MRAP2: variants seen among roughly 807,000 people sequenced by gnomAD.
MRAP2 encodes melanocortin-2 receptor accessory protein 2.
Under a neutral mutation model 17.4 loss-of-function variants are expected in MRAP2, and 20 were observed. The observed-to-expected ratio is 1.15, with a 90% CI of 0.81 to 1.67. The LOEUF (loss-of-function observed/expected upper bound fraction) is 1.67, where lower values mean the gene tolerates loss of function less well. Among genes scored for constraint, MRAP2 ranks in the 40% most tolerant of loss-of-function variants. The probability of loss-of-function intolerance (pLI) is 0.00; values close to 1 mark genes in which losing one functional copy is unlikely to be tolerated. For missense variants in MRAP2, 238 were observed against 240.0 expected (o/e 0.99, Z 0.05); for synonymous variants, 96 against 88.4 (o/e 1.09, Z -0.48).
chr6:84,067,114 G>T (rs145391523), intron 3 of MRAP2, among the ~76,000 whole-genome samples: 12 of 151,162 alleles, frequency 7.9e-5, no homozygotes, highest in African/African-American at 2.9e-4. Flanking sequence ...TAGCTCCCAC[G>T]TATCAGTGAG....
chr6:84,053,826 A>G (rs1159387868), intron 1 of MRAP2, among the ~76,000 whole-genome samples: 2 of 152,182 alleles, frequency 1.3e-5, no homozygotes, highest in South Asian at 4.1e-4. Flanking sequence ...AACTTTTTCT[A>G]TAAAATACCA....
At chr6:84,110,259 C>T in the MRAP2 span, among the ~76,000 whole-genome samples, 1 of 152,176 alleles carries the variant, frequency 6.6e-6, no homozygotes, top group African/African-American at 2.4e-5. Context: ...CTGTTGCTTC[C>T]TGACTTTTCA....
the MRAP2 span, among the ~76,000 whole-genome samples, chr6:84,139,500 T>C: frequency 6.6e-6 from 1 of 152,240 alleles, no homozygotes; most frequent in East Asian, 1.9e-4. Context: ...TCACATGGGT[T>C]GAGAAAAAAA....
intron 3 of MRAP2, among the ~76,000 whole-genome samples, chr6:84,074,074 AGAT>A (rs2099496972): frequency 2.6e-5 from 4 of 152,198 alleles, no homozygotes. Context: ...CCCTCAGTAA[AGAT>A]GAGTCACTGT....
the MRAP2 span, among the ~76,000 whole-genome samples, chr6:84,135,410 T>C: frequency 6.6e-6 from 1 of 152,180 alleles, no homozygotes; most frequent in Non-Finnish European, 1.5e-5. Flanking sequence ...AGGAGGTGGC[T>C]CAGGTGCTGG....
At chr6:84,141,847 C>T in the MRAP2 span, among the ~76,000 whole-genome samples, 3 of 152,050 alleles carry the variant, frequency 2.0e-5, no homozygotes, top group African/African-American at 7.2e-5. Context: ...GCCTCCATTA[C>T]AAAAATATTC....
the MRAP2 span, among the ~76,000 whole-genome samples, chr6:84,117,417 G>T: frequency 1.3e-5 from 2 of 151,824 alleles, no homozygotes; most frequent in Non-Finnish European, 2.9e-5. Flanking sequence ...TCTCCTTTTT[G>T]ATTTTTTTCT....
intron 3 of MRAP2, among the ~76,000 whole-genome samples, chr6:84,066,820 C>G (rs946130261): frequency 2.0e-5 from 3 of 152,210 alleles, no homozygotes; most frequent in African/African-American, 7.2e-5. Flanking sequence ...CTACACTCAA[C>G]TATCTCAGAT....
the MRAP2 span, among the ~76,000 whole-genome samples, chr6:84,112,985 T>C: frequency 4.7e-4 from 72 of 152,346 alleles, no homozygotes; most frequent in African/African-American, 1.7e-3. Context: ...TTCTGTTTTT[T>C]GCATTTGCTG....
At chr6:84,094,284 G>C (rs991094709), downstream of MRAP2, among the ~76,000 whole-genome samples, 1 of 152,140 alleles carries the variant, frequency 6.6e-6, no homozygotes, top group Non-Finnish European at 1.5e-5. Context: ...TCTCTCCAGA[G>C]CATGCTTTCC....
chr6:84,054,387 T>C (rs1397425005), intron 1 of MRAP2, among the ~76,000 whole-genome samples: 2 of 152,162 alleles, frequency 1.3e-5, no homozygotes, highest in East Asian at 1.9e-4. Flanking sequence ...GAAGTCAGGA[T>C]TTTTTGGTCT....
chr6:84,133,890 T>C, the MRAP2 span, among the ~76,000 whole-genome samples: 1 of 152,316 alleles, frequency 6.6e-6, no homozygotes, highest in South Asian at 2.1e-4. Context: ...CCCAGTGAGA[T>C]GAACCTGGTA....
In MRAP2 at chr6:84,073,888, G is replaced by T. The variant is rs1324646399; in HGVS notation, c.227+10896G>T. On this transcript the variant is annotated intron_variant, in intron 3 of 3. Transcript: ENST00000257776. ...GAGATATTTGTGTGTGTGTGTGTGT[G>T]TTTTTTTTTTTTTTTCTCATCAGCT... Among the ~76,000 whole-genome samples the T allele has an allele frequency of 3.3e-3, 460 of 137,848 alleles. 3 individuals carry two copies. Among genetic ancestry groups the T allele is most frequent in the Non-Finnish European group, 5.4e-3 (345 of 63,850 alleles). 90.4% of individuals were successfully genotyped at this position (137,848 alleles called of 152,430 possible).
At chr6:84,041,035 A>C (rs1469744240) in intron 1 of MRAP2, among the ~76,000 whole-genome samples, 3 of 152,154 alleles carry the variant, frequency 2.0e-5, no homozygotes, top group African/African-American at 7.2e-5. Flanking sequence ...GCCTAGGAAG[A>C]AAAAATGGTT....
intron 1 of MRAP2, among the ~76,000 whole-genome samples, chr6:84,053,043 G>A (rs896104699): frequency 1.3e-5 from 2 of 152,180 alleles, no homozygotes; most frequent in African/African-American, 4.8e-5. Flanking sequence ...TGAGGGTGGT[G>A]TTACTGCTGC....
downstream of MRAP2, among the ~76,000 whole-genome samples, chr6:84,095,198 C>A (rs553175519): frequency 6.6e-5 from 10 of 152,258 alleles, no homozygotes; most frequent in African/African-American, 2.2e-4. Context: ...GGGTTGCAAG[C>A]AAACCTCCCT....
At chr6:84,138,859 C>T in the MRAP2 span, among the ~76,000 whole-genome samples, 1 of 152,168 alleles carries the variant, frequency 6.6e-6, no homozygotes, top group Non-Finnish European at 1.5e-5. Context: ...TTATGTACAT[C>T]TTAAACACTG....
chr6:84,109,488 T>C, the MRAP2 span, among the ~76,000 whole-genome samples: 1 of 152,158 alleles, frequency 6.6e-6, no homozygotes. Flanking sequence ...GTTGTTGGTA[T>C]ATAGGAAGGA....
chr6:84,108,499 A>ATG, the MRAP2 span, among the ~76,000 whole-genome samples: 1 of 151,578 alleles, frequency 6.6e-6, no homozygotes, highest in Non-Finnish European at 1.5e-5. Context: ...GTGTCTGTTC[A>ATG]TGTCCTTTGC....
Sources: gnomAD v4.1 joint callset for allele counts (sites outside exome capture counted in the v4.1 genomes callset) on GRCh38, gnomAD v4.1.1 for gene constraint, MANE v1.5 for transcripts, NCBI Gene and HGNC (gene_info 2026-07-23, HGNC 2026-07-21) for gene names.